GIGYF2: variants seen among roughly 807,000 people sequenced by gnomAD.
The protein encoded by GIGYF2 is GRB10-interacting GYF protein 2.
A neutral mutation model predicts 208.1 loss-of-function variants in GIGYF2; 25 were observed. The observed-to-expected ratio is 0.12, with a 90% CI of 0.09 to 0.17. GIGYF2 has a LOEUF of 0.17. Among genes scored for constraint, GIGYF2 ranks in the 10% least tolerant of loss-of-function variants. The probability of loss-of-function intolerance (pLI) is 1.00; values close to 1 mark genes in which losing one functional copy is unlikely to be tolerated. For synonymous variants in GIGYF2, 534 were observed against 543.8 expected (o/e 0.98, Z 0.25); for missense variants, 1,302 against 1,579.4 (o/e 0.82, Z 2.98).
intron 8 of GIGYF2, chr2:232,764,516 G>A (rs1414544643): frequency 6.6e-6 from 1 of 152,456 alleles, no homozygotes; most frequent in Non-Finnish European, 1.5e-5. Context: ...GAGCTGTTTA[G>A]ATAGGAGACA....
chr2:232,740,058 C>T (rs945793758), intron 3 of GIGYF2, among the ~76,000 whole-genome samples: 2 of 151,866 alleles, frequency 1.3e-5, no homozygotes, highest in Non-Finnish European at 2.9e-5. Context: ...GTGGAGGTTG[C>T]AGTGAGCTGA....
At chr2:232,784,595 T>TTGGC (rs1699849460) in intron 8 of GIGYF2, among the ~76,000 whole-genome samples, 1 of 142,432 alleles carries the variant, frequency 7.0e-6, no homozygotes, top group East Asian at 2.1e-4. Context: ...TTTCATCGTG[T>TTGGC]TAGCTTGATC....
At chr2:232,754,581 CA>C (rs1698460010) in intron 5 of GIGYF2, among the ~76,000 whole-genome samples, 1 of 152,102 alleles carries the variant, frequency 6.6e-6, no homozygotes, top group African/African-American at 2.4e-5. Flanking sequence ...CATAATAATG[CA>C]GTTAGCTCTG....
At chr2:232,727,980 C>A (rs1008962061) in intron 2 of GIGYF2, among the ~76,000 whole-genome samples, 1 of 152,156 alleles carries the variant, frequency 6.6e-6, no homozygotes, top group Non-Finnish European at 1.5e-5. Flanking sequence ...AACATTGAGT[C>A]CTATAGATTC....
intron 2 of GIGYF2, among the ~76,000 whole-genome samples, chr2:232,714,318 T>C (rs1696573689): frequency 6.6e-6 from 1 of 152,206 alleles, no homozygotes; most frequent in Non-Finnish European, 1.5e-5. Flanking sequence ...ATGTGGCTAA[T>C]GGGTGCTGTG....
intron 20 of GIGYF2, 22 bp from the exon 21 acceptor site, chr2:232,819,805 A>G (rs777424497): frequency 8.4e-5 from 28 of 334,950 alleles, no homozygotes; most frequent in Non-Finnish European, 1.3e-4. Context: ...CCCACCCCCC[A>G]CCCTCCATCT....
intron 3 of GIGYF2, among the ~76,000 whole-genome samples, chr2:232,739,520 T>TAA (rs900277587): frequency 1.4e-5 from 2 of 146,642 alleles, no homozygotes; most frequent in South Asian, 4.4e-4. Context: ...CAAAAAAAAT[T>TAA]AAAAAAAAAT....
intron 2 of GIGYF2, chr2:232,729,905 A>G (rs905517895): frequency 2.3e-5 from 17 of 740,214 alleles, no homozygotes; most frequent in South Asian, 2.3e-4. Flanking sequence ...CAATGTCATC[A>G]TCATCTTTAC....
intron 12 of GIGYF2, among the ~76,000 whole-genome samples, chr2:232,794,381 A>G (rs966985234): frequency 2.0e-5 from 3 of 152,212 alleles, no homozygotes; most frequent in African/African-American, 7.2e-5. Context: ...GAGATGACAT[A>G]TCTTTCAGAA....
intron 21 of GIGYF2, among the ~76,000 whole-genome samples, chr2:232,831,507 A>T (rs148652611): frequency 6.6e-6 from 1 of 152,182 alleles, no homozygotes; most frequent in East Asian, 1.9e-4. Context: ...AGCACAGCCT[A>T]TGTGTGTGAT....
chr2:232,748,971 G>A lies in GIGYF2; in HGVS notation c.172-16G>A. The A allele has an allele frequency of 8.7e-7, 1 of 1,153,732 alleles. No homozygotes were observed. The highest frequency in any genetic ancestry group is 1.3e-6 in the Non-Finnish European group (1 of 759,628). The allele number at this position is 1,153,732 out of a possible 1,614,324, so 71.5% of individuals were successfully genotyped here. Reference sequence around the variant, plus strand: ...GAAATAGCATTAATCTCATAATCATGTGTTTGGTCCTACAGATACCTTCAG... The same window carrying A: ...GAAATAGCATTAATCTCATAATCATATGTTTGGTCCTACAGATACCTTCAG... On this transcript the variant is annotated splice_polypyrimidine_tract_variant and intron_variant, in intron 4 of 28. Coordinates refer to ENST00000373563, the MANE Select transcript of GIGYF2 (RefSeq NM_001103146.3).
chr2:232,710,775 C>T (rs1696358832), intron 2 of GIGYF2, among the ~76,000 whole-genome samples: 1 of 148,546 alleles, frequency 6.7e-6, no homozygotes, highest in Non-Finnish European at 1.5e-5. Flanking sequence ...TCTCGGCTCA[C>T]TGCAACCTCC....
Position 232,850,405 on chromosome 2 carries a change from A to G in GIGYF2, c.3828A>G (p.Leu1276=), listed in dbSNP as rs1690267935. Residue 1276 remains leucine (L), a synonymous_variant, in exon 28 of 29, where the codon TTA becomes TTG. Coordinates refer to ENST00000373563, the MANE Select transcript of GIGYF2 (RefSeq NM_001103146.3). The stretch of plus-strand genomic sequence containing the variant: ...AGATGGTCCGAGCAGATCCCAGTTT[A>G]TTAGGTGAGCACGGTCCTAGTCTCA... The part of the protein sequence containing the change: ...KQKMVRADPS[L]LGFSVNASSE... 1 of 1,614,064 alleles carries G rather than the reference A, an allele frequency of 6.2e-7. No homozygotes were observed. The highest frequency in any genetic ancestry group is 1.3e-5 in the African/African-American group (1 of 75,054).
chr2:232,790,042 T>A (rs778866287), intron 9 of GIGYF2, among the ~76,000 whole-genome samples: 1 of 152,086 alleles, frequency 6.6e-6, no homozygotes, highest in Non-Finnish European at 1.5e-5. Context: ...TACTTTGCCA[T>A]GTGCGAGTTA....
intron 3 of GIGYF2, among the ~76,000 whole-genome samples, chr2:232,739,365 C>CA (rs201794677): frequency 1.6e-5 from 2 of 128,938 alleles, no homozygotes; most frequent in African/African-American, 3.0e-5. Context: ...AAGCAAACCC[C>CA]CCCCCCCCCG....
At position 232,860,535 on chromosome 2, in the gene GIGYF2, G is replaced by A. The variant is rs566228422; in HGVS notation, c.*3675G>A. ...CAAAATTGGTAATTTTGTATAAAAT[G>A]CCCAACTGTGCATTATTAATAAAAG... On this transcript the variant is annotated 3_prime_UTR_variant, in exon 29 of 29. Coordinates refer to ENST00000373563, the MANE Select transcript of GIGYF2 (RefSeq NM_001103146.3). The A allele has an allele frequency of 6.6e-6, 1 of 151,814 alleles. No homozygotes were observed. Among genetic ancestry groups the A allele is most frequent in the African/African-American group, 2.4e-5 (1 of 41,422 alleles). 9.4% of individuals were successfully genotyped at this position (151,814 alleles called of 1,614,324 possible).
chr2:232,850,100 G>C (rs545325465), intron 27 of GIGYF2, among the ~76,000 whole-genome samples, 162 bp from the exon 28 acceptor site: 1 of 152,332 alleles, frequency 6.6e-6, no homozygotes, highest in South Asian at 2.1e-4. Flanking sequence ...TGGTGGCTCA[G>C]TGGCCGCTCT....
intron 25 of GIGYF2, 39 bp from the exon 26 acceptor site, chr2:232,845,693 T>G (rs1181467159): frequency 6.6e-7 from 1 of 1,520,662 alleles, no homozygotes; most frequent in South Asian, 1.1e-5. Flanking sequence ...ATAGTAACAG[T>G]TTCTGGGAAT....
At chr2:232,829,403 T>A (rs569365336) in intron 21 of GIGYF2, among the ~76,000 whole-genome samples, 7 of 152,356 alleles carry the variant, frequency 4.6e-5, no homozygotes, top group South Asian at 2.1e-4. Flanking sequence ...AATAAAAAAA[T>A]TGTATAAGGA....
Sources: gnomAD v4.1 joint callset for allele counts (sites outside exome capture counted in the v4.1 genomes callset) on GRCh38, gnomAD v4.1.1 for gene constraint, MANE v1.5 for transcripts, NCBI Gene and HGNC (gene_info 2026-07-23, HGNC 2026-07-21) for gene names.